PTPRD: variants seen among roughly 807,000 people sequenced by gnomAD.
The protein encoded by PTPRD is receptor-type tyrosine-protein phosphatase delta.
PTPRD carries 34 observed loss-of-function variants against 214.5 expected under a neutral mutation model. The observed-to-expected ratio is 0.16, with a 90% CI of 0.12 to 0.21. PTPRD has a LOEUF of 0.21. Ranked by LOEUF, PTPRD falls within the 10% of genes least tolerant of loss-of-function variation. The pLI, the probability that PTPRD is intolerant of heterozygous loss-of-function variation, is 1.00. For missense variants in PTPRD, 2,545 were observed against 2,398.7 expected (o/e 1.06, Z -1.27); for synonymous variants, 1,128 against 845.7 (o/e 1.33, Z -5.79).
intron 3 of PTPRD, among the ~76,000 whole-genome samples, chr9:10,036,666 C>G (rs866595406): frequency 7.2e-5 from 11 of 152,104 alleles, no homozygotes; most frequent in Middle Eastern, 3.4e-3. Flanking sequence ...CTCACTACAA[C>G]CTCCACCTCC....
At chr9:9,161,725 T>C (rs1223596592) in intron 10 of PTPRD, among the ~76,000 whole-genome samples, 1 of 152,102 alleles carries the variant, frequency 6.6e-6, no homozygotes, top group Non-Finnish European at 1.5e-5. Flanking sequence ...GGCAAAATTA[T>C]AGATACATTT....
intron 3 of PTPRD, among the ~76,000 whole-genome samples, chr9:10,097,620 A>T (rs2098504594): frequency 6.6e-6 from 1 of 151,780 alleles, no homozygotes. Flanking sequence ...GTTGCTTATC[A>T]GCTTAAGGAG....
chr9:9,223,625 T>G (rs929253849), intron 9 of PTPRD, among the ~76,000 whole-genome samples: 4 of 152,000 alleles, frequency 2.6e-5, no homozygotes, highest in African/African-American at 9.7e-5. Context: ...AAAGAACATC[T>G]CTCTATGAAA....
At chr9:9,964,904 T>A (rs1411761310) in intron 4 of PTPRD, among the ~76,000 whole-genome samples, 1 of 152,148 alleles carries the variant, frequency 6.6e-6, no homozygotes, top group Non-Finnish European at 1.5e-5. Flanking sequence ...TCATTTGAAA[T>A]ATAGGGAAAT....
intron 4 of PTPRD, among the ~76,000 whole-genome samples, chr9:9,941,597 A>G (rs1231170240): frequency 6.6e-6 from 1 of 152,226 alleles, no homozygotes; most frequent in Non-Finnish European, 1.5e-5. Context: ...TGCTAGGATT[A>G]CTGGCGTGAG....
chr9:9,223,769 T>C (rs910291158), intron 9 of PTPRD, among the ~76,000 whole-genome samples: 2 of 151,950 alleles, frequency 1.3e-5, no homozygotes, highest in Non-Finnish European at 2.9e-5. Context: ...TTAATTATAA[T>C]TGAGTATTAA....
intron 7 of PTPRD, among the ~76,000 whole-genome samples, chr9:9,691,035 T>G (rs919754475): frequency 2.6e-5 from 4 of 151,908 alleles, no homozygotes; most frequent in African/African-American, 9.7e-5. Context: ...ACATAATAGG[T>G]GTATATACTT....
chr9:9,485,425 C>G (rs1171258663), intron 8 of PTPRD, among the ~76,000 whole-genome samples: 1 of 152,156 alleles, frequency 6.6e-6, no homozygotes, highest in Non-Finnish European at 1.5e-5. Flanking sequence ...CTCTACTTAT[C>G]TGTATCAATC....
At chr9:9,981,468 C>G (rs1327512395) in intron 4 of PTPRD, among the ~76,000 whole-genome samples, 1 of 151,630 alleles carries the variant, frequency 6.6e-6, no homozygotes, top group Admixed American at 6.6e-5. Flanking sequence ...CATTCTCCTG[C>G]CTGAGCCTCC....
Position 8,514,127 on chromosome 9 carries a change from C to T in PTPRD, c.1543+3721G>A, listed in dbSNP as rs116405385. ...TGCCCCTCTGATAATGCTACCTTCA[C>T]TGAGTTATGATTCAATGTCATATTC... On this transcript the variant is annotated intron_variant, in intron 21 of 45. Coordinates refer to ENST00000381196, the MANE Select transcript of PTPRD (RefSeq NM_002839.4). 2.6e-3 allele frequency among the ~76,000 whole-genome samples: 394 copies of T among 152,172 alleles called. 1 individual carries two copies. The highest frequency in any genetic ancestry group is 9.0e-3 in the African/African-American group (375 of 41,528).
At position 8,759,615 on chromosome 9, in the gene PTPRD, CT is replaced by C. The variant is rs77725373; in HGVS notation, c.-103-25670del. ...GGCATCTTTTGTTCCTGTTACATTT[CT>C]TTTTTTTTTTTTTTTGTCCTCATCA... On this transcript the variant is annotated intron_variant, in intron 11 of 45. Transcript: ENST00000381196. Among the ~76,000 whole-genome samples the C allele has an allele frequency of 2.4e-3, 234 of 98,950 alleles. 1 individual carries two copies. Among genetic ancestry groups the C allele is most frequent in the East Asian group, 4.4e-3 (16 of 3,606 alleles). 64.9% of individuals were successfully genotyped at this position (98,950 alleles called of 152,430 possible). A position where few individuals can be genotyped will look rare whatever the true frequency, so the allele number is the denominator to read the frequency against.
chr9:10,231,264 G>A (rs1388077207), intron 3 of PTPRD, among the ~76,000 whole-genome samples: 1 of 151,598 alleles, frequency 6.6e-6, no homozygotes, highest in African/African-American at 2.4e-5. Flanking sequence ...AGAGAAAGGA[G>A]GCAAAGAAAC....
At chr9:10,057,188 C>T (rs2097668584) in intron 3 of PTPRD, among the ~76,000 whole-genome samples, 1 of 152,212 alleles carries the variant, frequency 6.6e-6, no homozygotes, top group East Asian at 1.9e-4. Flanking sequence ...TTCTGGAAGG[C>T]TGTACAATAT....
intron 12 of PTPRD, among the ~76,000 whole-genome samples, chr9:8,669,812 T>A (rs2097245100): frequency 6.6e-6 from 1 of 151,852 alleles, no homozygotes; most frequent in Non-Finnish European, 1.5e-5. Context: ...AACGTGGAGG[T>A]TATGAATAAT....
chr9:8,756,379 T>C (rs115017190), intron 11 of PTPRD, among the ~76,000 whole-genome samples: 1 of 152,220 alleles, frequency 6.6e-6, no homozygotes, highest in Non-Finnish European at 1.5e-5. Flanking sequence ...TTGTTAAACA[T>C]GCAAGATTTG....
intron 7 of PTPRD, among the ~76,000 whole-genome samples, chr9:9,638,139 T>C (rs1355683403): frequency 6.6e-6 from 1 of 152,222 alleles, no homozygotes; most frequent in Non-Finnish European, 1.5e-5. Context: ...CCTGTGATTT[T>C]TTCCTCTCAA....
chr9:10,542,253 T>A (rs750141180), intron 2 of PTPRD, among the ~76,000 whole-genome samples: 4 of 152,170 alleles, frequency 2.6e-5, no homozygotes, highest in African/African-American at 4.8e-5. Context: ...CAGCTCATAC[T>A]GTATTACAAA....
At chr9:9,190,767 A>C (rs1310109229) in intron 9 of PTPRD, among the ~76,000 whole-genome samples, 1 of 152,110 alleles carries the variant, frequency 6.6e-6, no homozygotes, top group Non-Finnish European at 1.5e-5. Context: ...TCAACCCATG[A>C]TAGATAAGTG....
intron 35 of PTPRD, among the ~76,000 whole-genome samples, chr9:8,414,952 A>G (rs1276869446): frequency 4.7e-5 from 7 of 147,928 alleles, no homozygotes; most frequent in African/African-American, 1.7e-4. Context: ...AGAGAGAGAG[A>G]GAGAGAGAGA....
Sources: gnomAD v4.1 joint callset for allele counts (sites outside exome capture counted in the v4.1 genomes callset) on GRCh38, gnomAD v4.1.1 for gene constraint, MANE v1.5 for transcripts, NCBI Gene and HGNC (gene_info 2026-07-23, HGNC 2026-07-21) for gene names.